PRAMEF15: variants seen among roughly 807,000 people sequenced by gnomAD.
PRAMEF15 encodes the protein PRAME family member 15, also known as PRAME family member 9/15.
Under a neutral mutation model 35.3 loss-of-function variants are expected in PRAMEF15, and 21 were observed. That is an observed-to-expected ratio of 0.59 (90% CI 0.42 to 0.86). PRAMEF15 has a LOEUF of 0.86. Among genes scored for constraint, PRAMEF15 ranks in the 40% least tolerant of loss-of-function variants. The pLI is 0.00. For missense variants in PRAMEF15, 360 were observed against 574.1 expected (o/e 0.63, Z 3.81); for synonymous variants, 122 against 223.3 (o/e 0.55, Z 4.05).
chr1:13,320,513 T>C (rs1188421121), intron 3 of PRAMEF15, among the ~76,000 whole-genome samples: 6,772 of 151,352 alleles, frequency 0.045, 2 homozygotes, highest in East Asian at 0.23. Context: ...GACTTCTGCC[T>C]CCCAGGTTCA....
Position 13,321,268 on chromosome 1 carries a change from GTA to G in PRAMEF15, c.876-434_876-433del, listed in dbSNP as rs1347832911. On this transcript the variant is annotated intron_variant, in intron 3 of 3. Transcript: ENST00000376152. The stretch of plus-strand genomic sequence containing the variant: ...CTCTCTCTGTCACCCAGGCTGGAGT[GTA>G]GTGGCATGATCTCTGCTCACTGCAA... Among the ~76,000 whole-genome samples, 238 of 146,706 alleles carry G rather than the reference GTA, an allele frequency of 1.6e-3. 1 individual carries two copies. The highest frequency in any genetic ancestry group is 5.8e-3 in the African/African-American group (230 of 39,324).
At chr1:13,321,061 G>C (rs1640077714) in intron 3 of PRAMEF15, among the ~76,000 whole-genome samples, 3 of 151,938 alleles carry the variant, frequency 2.0e-5, no homozygotes, top group African/African-American at 7.3e-5. Context: ...GTCTGGGTTT[G>C]TCCTTTATGC....
chr1:13,320,310 T>C (rs1321066499), intron 3 of PRAMEF15, among the ~76,000 whole-genome samples: 1 of 150,936 alleles, frequency 6.6e-6, no homozygotes, highest in Non-Finnish European at 1.5e-5. Context: ...TGTAATCCTA[T>C]CACTTTGGGA....
chr1:13,317,801 A>C lies in PRAMEF15; in HGVS notation c.-16-591A>C, dbSNP rs1205217352. Among the ~76,000 whole-genome samples the C allele has an allele frequency of 9.1e-5, 13 of 142,914 alleles. No homozygotes were observed. The East Asian group carries it at 2.7e-3, about 29-fold the overall frequency. The allele number at this position is 142,914 out of a possible 152,430, so 93.8% of individuals were successfully genotyped here. On this transcript the variant is annotated intron_variant, in intron 1 of 3. Transcript: ENST00000376152. ...AAAGAGTGAGAGAGGGAGAGAGAGA[A>C]AGAGAGAGAGAATGAGAGAAGGGAG...
intron 2 of PRAMEF15, among the ~76,000 whole-genome samples, chr1:13,319,109 A>G (rs1640045614): frequency 6.6e-6 from 1 of 151,344 alleles, no homozygotes; most frequent in Admixed American, 6.6e-5. Context: ...CAGGAGAATC[A>G]TTTGAACCCG....
At chr1:13,317,105 T>C (rs1640014525) in intron 1 of PRAMEF15, among the ~76,000 whole-genome samples, 2 of 151,480 alleles carry the variant, frequency 1.3e-5, no homozygotes, top group Admixed American at 6.6e-5. Context: ...CAATCTAGCC[T>C]ATTCCCCAGG....
At chr1:13,320,635 G>A (rs1640071949) in intron 3 of PRAMEF15, among the ~76,000 whole-genome samples, 2 of 151,970 alleles carry the variant, frequency 1.3e-5, no homozygotes, top group East Asian at 3.9e-4. Context: ...TGTTGGCCAG[G>A]TTATTCTCCA....
chr1:13,321,857 C>T lies in PRAMEF15; in HGVS notation c.1030C>T (p.Gln344Ter). ...GACCAATTATAGTCTTGTGCCTCTC[C>T]AAATTCTCCTAGAAAAAGTTGCAGC... The part of the protein sequence containing the change: ...RLTNYSLVPL[Q>*]ILLEKVAATL... Residue 344 changes from glutamine to a stop codon, truncating the protein, a stop_gained, in exon 4 of 4, where the codon CAA becomes TAA. Transcript: ENST00000376152. LOFTEE classifies it high-confidence loss of function. 2 of 1,608,370 alleles carry T rather than the reference C, an allele frequency of 1.2e-6. No individual in the cohort carries two copies. Among genetic ancestry groups the T allele is most frequent in the South Asian group, 2.2e-5 (2 of 90,736 alleles).
chr1:13,320,259 T>C (rs1332431150), intron 3 of PRAMEF15, among the ~76,000 whole-genome samples: 3 of 151,978 alleles, frequency 2.0e-5, no homozygotes, highest in Non-Finnish European at 4.4e-5. Context: ...TGTGTCTAAG[T>C]TAAGATGATG....
Position 13,319,391 on chromosome 1 carries a change from C to T in PRAMEF15, c.313C>T (p.Leu105=), listed in dbSNP as rs1640050905. 1.6e-5 allele frequency: 26 copies of T among 1,611,312 alleles called. No individual in the cohort carries two copies. The highest frequency in any genetic ancestry group is 4.4e-5 in the South Asian group (4 of 90,976). ...VRPRRWKLQV[L]DLQDVCENFW... ...CCACAGGAGGTGGAAACTCCAAGTG[C>T]TGGATTTACAGGATGTCTGTGAGAA... is the stretch of plus-strand genomic sequence containing the variant. Residue 105 remains leucine (L), a synonymous_variant, in exon 3 of 4, where the codon CTG becomes TTG. Coordinates refer to ENST00000376152, the MANE Select transcript of PRAMEF15 (RefSeq NM_001098376.3).
chr1:13,317,621 T>C (rs1350565552), intron 1 of PRAMEF15, among the ~76,000 whole-genome samples: 2 of 151,650 alleles, frequency 1.3e-5, no homozygotes, highest in East Asian at 3.9e-4. Flanking sequence ...AGTCAAAAAA[T>C]AGAAGATGAG....
At chr1:13,320,974 A>G (rs1640076148) in intron 3 of PRAMEF15, among the ~76,000 whole-genome samples, 3 of 152,020 alleles carry the variant, frequency 2.0e-5, no homozygotes, top group African/African-American at 4.8e-5. Flanking sequence ...GGTGAAAGTG[A>G]TAGATGGTTT....
chr1:13,317,028 C>T (rs1640013427), intron 1 of PRAMEF15, among the ~76,000 whole-genome samples: 1 of 150,488 alleles, frequency 6.6e-6, no homozygotes, highest in South Asian at 2.1e-4. Context: ...AGCCAAAAAT[C>T]CAATAAGGAT....
In PRAMEF15 at chr1:13,322,070, T is replaced by C; in HGVS notation, c.1243T>C (p.Tyr415His). 6 of 1,610,012 alleles carry C rather than the reference T, an allele frequency of 3.7e-6. No individual in the cohort carries two copies. The highest frequency in any genetic ancestry group is 2.2e-5 in the South Asian group (2 of 90,792). ...IILKNLCVEL[Y>H]PAPRESYGAD... is the part of the protein sequence containing the mutation. ...ACTCAAAAACTTATGTGTGGAGCTGTATCCTGCCCCCCGAGAGAGTTATGG... is the reference window on the plus strand; with the variant it reads ...ACTCAAAAACTTATGTGTGGAGCTGCATCCTGCCCCCCGAGAGAGTTATGG... Residue 415 changes from tyrosine (Y) to histidine (H), a missense_variant, in exon 4 of 4, where the codon TAT (tyrosine) becomes CAT (histidine). By Grantham distance (83) the Tyr-to-His change is moderately conservative (BLOSUM62 2). Around this residue, in one of 8 missense-constraint regions of PRAMEF15, gnomAD observed 147 missense variants for 123.5 expected, o/e 1.19. Coordinates refer to ENST00000376152, the MANE Select transcript of PRAMEF15 (RefSeq NM_001098376.3).
chr1:13,319,312 T>A (rs1640049443), intron 2 of PRAMEF15, 60 bp from the exon 3 acceptor site: 2 of 1,600,220 alleles, frequency 1.2e-6, no homozygotes, highest in South Asian at 1.1e-5. Context: ...ATCCAGGATG[T>A]GGAGTTTAAG....
intron 3 of PRAMEF15, 48 bp from the exon 4 acceptor site, chr1:13,321,655 C>T: frequency 1.9e-6 from 3 of 1,601,046 alleles, no homozygotes; most frequent in East Asian, 2.3e-5. Flanking sequence ...CCACCCTCCA[C>T]TCACCCCTAT....
intron 1 of PRAMEF15, among the ~76,000 whole-genome samples, chr1:13,317,748 G>C (rs1252141168): frequency 7.3e-5 from 11 of 151,530 alleles, no homozygotes; most frequent in African/African-American, 2.7e-4. Context: ...TACACTCCAG[G>C]CTGGGTGACA....
chr1:13,317,155 T>C (rs1321548378), intron 1 of PRAMEF15, among the ~76,000 whole-genome samples: 5 of 151,802 alleles, frequency 3.3e-5, no homozygotes, highest in African/African-American at 1.2e-4. Context: ...CTGCAACTTC[T>C]GCCTCCTGGG....
Position 13,319,449 on chromosome 1 carries a change from A to T in PRAMEF15, c.371A>T (p.His124Leu). ...FWMVWSEAMAHGCFLNAKRNK... is the reference protein window; with the variant it reads ...FWMVWSEAMALGCFLNAKRNK... ...ATGGTTTGGTCTGAAGCTATGGCCC[A>T]TGGGTGCTTCCTCAATGCCAAGAGG... Residue 124 changes from histidine to leucine, a missense_variant, in exon 3 of 4, where the codon CAT (histidine) becomes CTT (leucine). Physicochemically the swap from His to Leu is moderately conservative, Grantham distance 99. This residue lies in a region of PRAMEF15 where 18 missense variants were observed against 42.9 expected (regional missense o/e 0.42). Coordinates refer to ENST00000376152, the MANE Select transcript of PRAMEF15 (RefSeq NM_001098376.3). 1.2e-6 allele frequency: 2 copies of T among 1,609,140 alleles called. No homozygotes were observed. Among genetic ancestry groups the T allele is most frequent in the Non-Finnish European group, 1.7e-6 (2 of 1,179,222 alleles).
Sources: gnomAD v4.1 joint callset for allele counts (sites outside exome capture counted in the v4.1 genomes callset) on GRCh38, gnomAD v4.1.1 for gene constraint, gnomAD v4.1.1 regional missense constraint, MANE v1.5 for transcripts, NCBI Gene and HGNC (gene_info 2026-07-23, HGNC 2026-07-21) for gene names.